LZTS1: variants seen among roughly 807,000 people sequenced by gnomAD.
LZTS1 encodes leucine zipper tumor suppressor 1, also known as leucine zipper putative tumor suppressor 1.
In LZTS1, 31 loss-of-function variants were observed where a neutral mutation model predicts 45.8. The ratio of observed to expected loss-of-function variants is 0.68; its 90% CI spans 0.51 to 0.91. LZTS1 has a LOEUF of 0.91. Among genes scored for constraint, LZTS1 ranks in the 40% least tolerant of loss-of-function variants. LZTS1 has a pLI of 0.00. For synonymous variants in LZTS1, 359 were observed against 357.3 expected (o/e 1.00, Z -0.05); for missense variants, 821 against 788.9 (o/e 1.04, Z -0.49).
chr8:20,300,402 G>A (rs544452698), intron 1 of LZTS1, among the ~76,000 whole-genome samples: 4 of 151,736 alleles, frequency 2.6e-5, no homozygotes, highest in South Asian at 2.1e-4. Context: ...ATGTGATCTC[G>A]GCTCACTGCA....
At chr8:20,266,555 AC>A (rs375709225) in intron 1 of LZTS1, among the ~76,000 whole-genome samples, 1,802 of 151,348 alleles carry the variant, frequency 0.012, 19 homozygotes, top group Non-Finnish European at 0.017. Flanking sequence ...AAGTGCATCC[AC>A]CCCCTTCCTC....
Position 20,249,968 on chromosome 8 carries a change from C to A in LZTS1, c.1545G>T (p.Arg515=), listed in dbSNP as rs199769408. Residue 515 remains arginine, a synonymous_variant, in exon 4 of 4, where the codon CGG becomes CGT. Transcript: ENST00000381569. ...CCGAGGACATCTGGTCATGGCCTTGCCGCTCCTCCCGCAGCTCGGCCCGCA... is the reference window on the plus strand; with the variant it reads ...CCGAGGACATCTGGTCATGGCCTTGACGCTCCTCCCGCAGCTCGGCCCGCA... The part of the protein sequence containing the change: ...ERLRAELREE[R]QGHDQMSSGF... The A allele has an allele frequency of 3.7e-6, 6 of 1,613,842 alleles. No homozygotes were observed. Among genetic ancestry groups the A allele is most frequent in the Non-Finnish European group, 5.1e-6 (6 of 1,179,912 alleles).
intron 1 of LZTS1, among the ~76,000 whole-genome samples, chr8:20,291,591 G>A (rs1407312807): frequency 1.3e-5 from 2 of 152,064 alleles, no homozygotes; most frequent in African/African-American, 2.4e-5. Context: ...AGGTAGCAGA[G>A]CCAGGATCTC....
chr8:20,264,135 A>G lies in LZTS1; in HGVS notation c.-134-8820T>C, dbSNP rs141192138. Among the ~76,000 whole-genome samples, 752 of 152,268 alleles carry G rather than the reference A, an allele frequency of 4.9e-3. 6 individuals carry two copies. Among genetic ancestry groups the G allele is most frequent in the African/African-American group, 0.017 (723 of 41,556 alleles). ...GAATGCTATATGTTTTTTACTTTAC[A>G]TAAGTCATATCATGTCATATATATC... On this transcript the variant is annotated intron_variant, in intron 1 of 3. Transcript: ENST00000381569.
At chr8:20,279,663 T>G (rs1585296299) in intron 1 of LZTS1, among the ~76,000 whole-genome samples, 1 of 107,380 alleles carries the variant, frequency 9.3e-6, no homozygotes, top group African/African-American at 3.7e-5. Flanking sequence ...GCCTGGGTGA[T>G]GGAGCAAGAC....
At chr8:20,260,019 A>T (rs536256206) in intron 1 of LZTS1, among the ~76,000 whole-genome samples, 1 of 152,242 alleles carries the variant, frequency 6.6e-6, no homozygotes, top group South Asian at 2.1e-4. Flanking sequence ...TTCCCACCTT[A>T]GCCCCAGAGT....
At chr8:20,280,453 C>G (rs1027012563) in intron 1 of LZTS1, among the ~76,000 whole-genome samples, 2 of 152,164 alleles carry the variant, frequency 1.3e-5, no homozygotes, top group African/African-American at 4.8e-5. Context: ...ACCTCATTGT[C>G]CCTGCCCATT....
chr8:20,300,344 C>CT (rs1237091812), intron 1 of LZTS1, among the ~76,000 whole-genome samples: 4 of 149,680 alleles, frequency 2.7e-5, no homozygotes, highest in African/African-American at 9.8e-5. Context: ...TTTTTTTTTT[C>CT]TTTTTTGAGA....
intron 3 of LZTS1, among the ~76,000 whole-genome samples, chr8:20,251,118 T>C (rs1436654201): frequency 1.9e-4 from 4 of 21,370 alleles, no homozygotes; most frequent in African/African-American, 9.4e-4. Context: ...TATATATATA[T>C]ATATATATAT....
rs184385445 is a variant in LZTS1, at chr8:20,250,464, G to C, written c.1150-101C>G. ...AAAATAACCAAGCCACTCCGGATGC[G>C]GTGGCCCGGTGTTAGGCATTCCAGC... On this transcript the variant is annotated intron_variant, in intron 3 of 3. Transcript: ENST00000381569. 1,337 of 1,178,486 alleles carry C rather than the reference G, an allele frequency of 1.1e-3. 9 individuals are homozygous for C. The East Asian group carries it at 0.018, about 16-fold the overall frequency. 73.0% of individuals were successfully genotyped at this position (1,178,486 alleles called of 1,614,324 possible).
At chr8:20,274,550 G>A (rs1233106595) in intron 1 of LZTS1, among the ~76,000 whole-genome samples, 1 of 152,198 alleles carries the variant, frequency 6.6e-6, no homozygotes, top group Non-Finnish European at 1.5e-5. Context: ...GCGTGTTGGA[G>A]TCTGTGGGCC....
intron 1 of LZTS1, among the ~76,000 whole-genome samples, chr8:20,281,736 T>C (rs150906210): frequency 1.9e-4 from 29 of 152,296 alleles, no homozygotes; most frequent in Non-Finnish European, 3.8e-4. Context: ...CCTTGCACCA[T>C]GGATAAAAGC....
chr8:20,264,007 T>C (rs1800299270), intron 1 of LZTS1, among the ~76,000 whole-genome samples: 1 of 151,976 alleles, frequency 6.6e-6, no homozygotes, highest in South Asian at 2.1e-4. Context: ...CCATTCCCTA[T>C]TCCTTCTCCC....
Position 20,253,469 on chromosome 8 carries a change from TG to T in LZTS1, c.461del (p.Pro154GlnfsTer9). ...TCAGCTCCTGCTCCTTGGGCTTGTC[TG>T]GAGGGGCGGGGTGCAGCTGGTGGCT... ...SASHQLHPAPPDKPKEQELKP... is the reference protein window; with the variant it reads ...SASHQLHPAPXDKPKEQELKP... On this transcript the variant is annotated frameshift_variant, in exon 3 of 4. Coordinates refer to ENST00000381569, the MANE Select transcript of LZTS1 (RefSeq NM_021020.5). LOFTEE classifies it high-confidence loss of function. 6.2e-7 allele frequency: 1 copy of T among 1,606,954 alleles called. No homozygotes were observed.
intron 3 of LZTS1, 60 bp downstream of exon 3, chr8:20,252,722 A>G (rs1799961342): frequency 7.1e-7 from 1 of 1,407,692 alleles, no homozygotes; most frequent in Non-Finnish European, 9.5e-7. Flanking sequence ...CCAGAAGGAG[A>G]GGGGGGTACT....
intron 1 of LZTS1, among the ~76,000 whole-genome samples, chr8:20,276,646 G>C (rs1800589744): frequency 6.6e-6 from 1 of 152,148 alleles, no homozygotes; most frequent in African/African-American, 2.4e-5. Flanking sequence ...AGCTGCTCTA[G>C]CAAATTAATC....
intron 1 of LZTS1, among the ~76,000 whole-genome samples, chr8:20,274,086 C>G (rs1800527736): frequency 6.6e-6 from 1 of 152,168 alleles, no homozygotes; most frequent in Non-Finnish European, 1.5e-5. Flanking sequence ...CTTCCCGTAT[C>G]TGTGAGGCCC....
Position 20,253,069 on chromosome 8 carries a change from C to T in LZTS1, c.862G>A (p.Glu288Lys), listed in dbSNP as rs1554550684. 1 of 1,608,430 alleles carries T rather than the reference C, an allele frequency of 6.2e-7. No individual in the cohort carries two copies. Among genetic ancestry groups the T allele is most frequent in the South Asian group, 1.1e-5 (1 of 90,990 alleles). The stretch of plus-strand genomic sequence containing the variant: ...TCGTAGGCCAGGCTGGAGGCAAGCT[C>T]CTTCTCCTCAAAGCTGCGCTGCAGC... ...QKLQRSFEEK[E>K]LASSLAYEER... Residue 288 changes from glutamate (E) to lysine (K), a missense_variant, in exon 3 of 4, where the codon GAG becomes AAG. By Grantham distance (56) the Glu-to-Lys change is moderately conservative. Coordinates refer to ENST00000381569, the MANE Select transcript of LZTS1 (RefSeq NM_021020.5).
At chr8:20,260,074 A>C (rs958292476) in intron 1 of LZTS1, among the ~76,000 whole-genome samples, 2 of 151,924 alleles carry the variant, frequency 1.3e-5, no homozygotes, top group East Asian at 1.9e-4. Flanking sequence ...TAATTAAATA[A>C]TTCTTTTGTA....
Sources: gnomAD v4.1 joint callset for allele counts (sites outside exome capture counted in the v4.1 genomes callset) on GRCh38, gnomAD v4.1.1 for gene constraint, MANE v1.5 for transcripts, NCBI Gene and HGNC (gene_info 2026-07-23, HGNC 2026-07-21) for gene names.